Variants in LSAMP observed in about 807,000 individuals in gnomAD.
LSAMP encodes limbic system-associated membrane protein.
Under a neutral mutation model 38.6 loss-of-function variants are expected in LSAMP, and 7 were observed. That is an observed-to-expected ratio of 0.18 (90% CI 0.10 to 0.34). The LOEUF (loss-of-function observed/expected upper bound fraction) is 0.34. Among genes scored for constraint, LSAMP ranks in the 10% least tolerant of loss-of-function variants. The pLI, the probability that LSAMP is intolerant of heterozygous loss-of-function variation, is 1.00. For synonymous variants in LSAMP, 154 were observed against 166.8 expected, an observed-to-expected ratio of 0.92 and a Z score of 0.59; for missense variants, 313 against 420.0, an observed-to-expected ratio of 0.75 and a Z score of 2.23.
chr3:115,997,904 AATAC>A (rs1391354216), intron 3 of LSAMP, among the ~76,000 whole-genome samples: 3 of 146,900 alleles, frequency 2.0e-5, no homozygotes, highest in African/African-American at 7.4e-5. Context: ...TAATATATAA[AATAC>A]ATATATACAT....
chr3:115,978,621 C>A (rs571785937), intron 3 of LSAMP, among the ~76,000 whole-genome samples: 1 of 151,614 alleles, frequency 6.6e-6, no homozygotes, highest in South Asian at 2.1e-4. Context: ...AACTATCCTA[C>A]AGTGATTACC....
At chr3:116,232,992 A>T (rs1274240936) in intron 1 of LSAMP, among the ~76,000 whole-genome samples, 6 of 151,684 alleles carry the variant, frequency 4.0e-5, no homozygotes, top group African/African-American at 1.5e-4. Context: ...ATATTTGTCA[A>T]TTTTCTGTCA....
intron 3 of LSAMP, among the ~76,000 whole-genome samples, chr3:115,975,545 C>T (rs1939160981): frequency 6.6e-6 from 1 of 152,088 alleles, no homozygotes; most frequent in Admixed American, 6.6e-5. Flanking sequence ...GCTGGTTATT[C>T]AAGAAAGCGA....
intron 3 of LSAMP, among the ~76,000 whole-genome samples, chr3:115,871,590 T>A (rs1936036781): frequency 7.1e-6 from 1 of 140,490 alleles, no homozygotes; most frequent in African/African-American, 3.0e-5. Context: ...GTAGTGTGTG[T>A]GTGTGTGTGT....
At chr3:116,133,419 A>G (rs1316880938) in intron 1 of LSAMP, among the ~76,000 whole-genome samples, 1 of 151,920 alleles carries the variant, frequency 6.6e-6, no homozygotes, top group African/African-American at 2.4e-5. Context: ...GCCTCCAAGT[A>G]ACTAGGACCA....
intron 1 of LSAMP, among the ~76,000 whole-genome samples, chr3:116,271,969 ATAAATT>A (rs1224160297): frequency 6.6e-6 from 1 of 152,094 alleles, no homozygotes; most frequent in African/African-American, 2.4e-5. Context: ...GAAGGGAAAA[ATAAATT>A]TAAAACCCAG....
intron 1 of LSAMP, among the ~76,000 whole-genome samples, chr3:116,123,217 C>CAAGGG (rs1359780145): frequency 6.6e-6 from 1 of 152,166 alleles, no homozygotes; most frequent in Non-Finnish European, 1.5e-5. Context: ...TGCCTGCTGC[C>CAAGGG]TTCTCATCTG....
chr3:115,882,025 T>C (rs1398531435), intron 3 of LSAMP, among the ~76,000 whole-genome samples: 1 of 152,112 alleles, frequency 6.6e-6, no homozygotes, highest in Non-Finnish European at 1.5e-5. Context: ...TGTTTCAAGG[T>C]TTAAAAAGTG....
At chr3:115,839,508 T>A (rs1334774966) in intron 6 of LSAMP, among the ~76,000 whole-genome samples, 2 of 152,158 alleles carry the variant, frequency 1.3e-5, no homozygotes, top group Non-Finnish European at 1.5e-5. Flanking sequence ...CCCCAAAATG[T>A]TTGTTCTTAG....
intron 4 of LSAMP, among the ~76,000 whole-genome samples, chr3:115,848,290 G>A (rs1257536927): frequency 6.6e-6 from 1 of 152,148 alleles, no homozygotes; most frequent in Admixed American, 6.5e-5. Context: ...CGGGTATGGT[G>A]GCACGCGCCT....
intron 1 of LSAMP, among the ~76,000 whole-genome samples, chr3:116,366,184 A>T (rs1049824243): frequency 6.6e-6 from 1 of 152,028 alleles, no homozygotes; most frequent in African/African-American, 2.4e-5. Flanking sequence ...AGAAAAAAAA[A>T]ATCTCATTCA....
chr3:116,211,423 CAT>C (rs1220580092), intron 1 of LSAMP, among the ~76,000 whole-genome samples: 7 of 152,218 alleles, frequency 4.6e-5, no homozygotes, highest in Non-Finnish European at 7.4e-5. Context: ...AAAATGTATA[CAT>C]GTTTCAAAGC....
At chr3:116,284,874 T>C (rs1161470333) in intron 1 of LSAMP, among the ~76,000 whole-genome samples, 3 of 152,174 alleles carry the variant, frequency 2.0e-5, no homozygotes, top group Non-Finnish European at 4.4e-5. Flanking sequence ...AAGCATCTAG[T>C]TGTCTCTTCA....
intron 3 of LSAMP, among the ~76,000 whole-genome samples, chr3:115,902,550 T>C (rs1391330991): frequency 2.6e-5 from 4 of 151,834 alleles, no homozygotes; most frequent in African/African-American, 7.3e-5. Flanking sequence ...AGAGAGTAAA[T>C]AGGCAACCTA....
intron 3 of LSAMP, among the ~76,000 whole-genome samples, chr3:115,929,985 C>G (rs990267114): frequency 2.7e-4 from 31 of 114,112 alleles, no homozygotes; most frequent in Non-Finnish European, 3.9e-4. Context: ...TTATCCAGAT[C>G]TATAAATTTA....
intron 1 of LSAMP, among the ~76,000 whole-genome samples, chr3:116,342,239 T>G (rs2048005508): frequency 6.6e-6 from 1 of 152,066 alleles, no homozygotes; most frequent in African/African-American, 2.4e-5. Context: ...AATTGCATTT[T>G]GTGTACTGTG....
intron 1 of LSAMP, among the ~76,000 whole-genome samples, chr3:116,177,498 T>C (rs1428070233): frequency 6.6e-6 from 1 of 152,102 alleles, no homozygotes; most frequent in Non-Finnish European, 1.5e-5. Context: ...GTTTTCACAA[T>C]GTAGCCACAG....
intron 1 of LSAMP, among the ~76,000 whole-genome samples, chr3:116,238,685 T>C (rs1417376481): frequency 6.6e-6 from 1 of 152,164 alleles, no homozygotes; most frequent in Non-Finnish European, 1.5e-5. Context: ...AATCTGTCTT[T>C]GCTATGACCA....
intron 3 of LSAMP, among the ~76,000 whole-genome samples, chr3:115,940,132 A>C (rs1263695087): frequency 6.6e-6 from 1 of 152,140 alleles, no homozygotes; most frequent in Non-Finnish European, 1.5e-5. Flanking sequence ...TTCAGGAGTG[A>C]AGCCACAGAC....
Sources: gnomAD v4.1 joint callset for allele counts (sites outside exome capture counted in the v4.1 genomes callset) on GRCh38, gnomAD v4.1.1 for gene constraint, MANE v1.5 for transcripts, NCBI Gene and HGNC (gene_info 2026-07-23, HGNC 2026-07-21) for gene names.